PAPOLG: variants seen among roughly 807,000 people sequenced by gnomAD.
PAPOLG encodes PAP-gamma.
PAPOLG carries 40 observed loss-of-function variants against 99.0 expected under a neutral mutation model. That is an observed-to-expected ratio of 0.40 (90% CI 0.31 to 0.53). The LOEUF (loss-of-function observed/expected upper bound fraction) is 0.53. PAPOLG is among the 20% of genes least tolerant of loss of function. PAPOLG has a pLI of 0.41. For synonymous variants in PAPOLG, 310 were observed against 299.3 expected, an observed-to-expected ratio of 1.04 and a Z score of -0.37; for missense variants, 675 against 884.1, an observed-to-expected ratio of 0.76 and a Z score of 3.00.
At position 60,784,228 on chromosome 2, in the gene PAPOLG, C is replaced by T. The variant is rs551894108; in HGVS notation, c.1166+1019C>T. Among the ~76,000 whole-genome samples, 17 of 152,354 alleles carry T rather than the reference C, an allele frequency of 1.1e-4. No homozygotes were observed. In the East Asian group the frequency reaches 3.3e-3, roughly 29 times the overall value. On this transcript the variant is annotated intron_variant, in intron 13 of 21. Coordinates refer to ENST00000238714, the MANE Select transcript of PAPOLG (RefSeq NM_022894.4). ...CCTCGTGATCCACCCGCCTTGGCCT[C>T]CCAAAGTGCTGGAATTACAGGCGTG...
chr2:60,760,932 G>A (rs1460403607), intron 2 of PAPOLG, among the ~76,000 whole-genome samples: 2 of 152,222 alleles, frequency 1.3e-5, no homozygotes, highest in Non-Finnish European at 2.9e-5. Flanking sequence ...CAAGGGCAGA[G>A]CAGAGAAACC....
At chr2:60,792,039 GATA>G in intron 16 of PAPOLG, 87 bp from the exon 17 acceptor site, 1 of 1,467,308 alleles carries the variant, frequency 6.8e-7, no homozygotes, top group Non-Finnish European at 9.2e-7. Context: ...AATCACAAGA[GATA>G]ATTTGCTTAA....
intron 16 of PAPOLG, 37 bp from the exon 17 acceptor site, chr2:60,792,092 T>C (rs781007151): frequency 1.9e-6 from 3 of 1,554,574 alleles, no homozygotes; most frequent in African/African-American, 2.8e-5. Context: ...TATTGTCATT[T>C]GCATTTTGAA....
chr2:60,782,318 G>C (rs1308074177), intron 11 of PAPOLG, among the ~76,000 whole-genome samples: 1 of 152,086 alleles, frequency 6.6e-6, no homozygotes, highest in Non-Finnish European at 1.5e-5. Context: ...TATAATCCTA[G>C]CACTTTGGGA....
intron 2 of PAPOLG, among the ~76,000 whole-genome samples, chr2:60,760,787 G>A (rs1374657477): frequency 6.6e-6 from 1 of 152,178 alleles, no homozygotes; most frequent in Non-Finnish European, 1.5e-5. Context: ...ACCTTGTAAG[G>A]TGTTGTCAAG....
rs375522006 is a variant in PAPOLG, at chr2:60,791,913, G to C, written c.1518+31G>C. 4.9e-5 allele frequency: 78 copies of C among 1,596,334 alleles called. No homozygotes were observed. In the African/African-American group the frequency reaches 9.9e-4, roughly 20 times the overall value. ...TTTATAATCTTAACCCTTCAGTATG[G>C]TTTTACTCAGACAAATGATCTGGGA... On this transcript the variant is annotated intron_variant, in intron 16 of 21. Coordinates refer to ENST00000238714, the MANE Select transcript of PAPOLG (RefSeq NM_022894.4).
intron 3 of PAPOLG, among the ~76,000 whole-genome samples, chr2:60,764,005 G>C (rs1187297121): frequency 1.3e-5 from 2 of 151,290 alleles, no homozygotes; most frequent in Non-Finnish European, 3.0e-5. Flanking sequence ...GTTTCACCAT[G>C]TTGGCCAGGC....
At chr2:60,768,406 T>A (rs1435927232) in intron 3 of PAPOLG, 64 bp from the exon 4 acceptor site, 1 of 1,548,482 alleles carries the variant, frequency 6.5e-7, no homozygotes, top group East Asian at 2.3e-5. Context: ...CCAGCCAACA[T>A]TGAGGTGACT....
intron 13 of PAPOLG, among the ~76,000 whole-genome samples, chr2:60,784,319 G>GA (rs1482337244): frequency 2.0e-4 from 30 of 152,228 alleles, no homozygotes; most frequent in Admixed American, 5.2e-4. Context: ...AAACTCAGTA[G>GA]AAAAGACATT....
intron 14 of PAPOLG, 51 bp downstream of exon 14, chr2:60,787,117 A>G (rs376561650): frequency 3.7e-5 from 52 of 1,411,220 alleles, no homozygotes; most frequent in Middle Eastern, 4.1e-4. Context: ...GTTATTTGGT[A>G]TATGCATCAT....
Position 60,795,203 on chromosome 2 carries a change from C to T in PAPOLG, c.2112+183C>T, listed in dbSNP as rs1000844591. 9.1e-6 allele frequency: 6 copies of T among 660,560 alleles called. No individual in the cohort carries two copies. The South Asian group carries it at 1.0e-4, about 11-fold the overall frequency. The allele number at this position is 660,560 out of a possible 1,614,324, so 40.9% of individuals were successfully genotyped here. ...AGTATATAGTTCTGAATGTATGTAC[C>T]TCAAAAGTCTAAAAAAGAGGCAGTA... On this transcript the variant is annotated intron_variant, in intron 21 of 21. Transcript: ENST00000238714.
At position 60,756,371 on chromosome 2, in the gene PAPOLG, C is replaced by A; in HGVS notation, c.-108C>A. 7.0e-7 allele frequency: 1 copy of A among 1,428,850 alleles called. No homozygotes were observed. Among genetic ancestry groups the A allele is most frequent in the Non-Finnish European group, 9.9e-7 (1 of 1,013,562 alleles). 88.5% of individuals were successfully genotyped at this position (1,428,850 alleles called of 1,614,324 possible). On this transcript the variant is annotated 5_prime_UTR_variant, in exon 1 of 22. Coordinates refer to ENST00000238714, the MANE Select transcript of PAPOLG (RefSeq NM_022894.4). ...CATAGTAAGTGGGAAAGTGAGCGAG[C>A]AAGCGAGCTACTAGCGACCGGAGGA... is the stretch of plus-strand genomic sequence containing the variant.
chr2:60,767,935 T>C (rs1285426758), intron 3 of PAPOLG, among the ~76,000 whole-genome samples: 3 of 152,262 alleles, frequency 2.0e-5, no homozygotes, highest in African/African-American at 7.2e-5. Flanking sequence ...GATGTATGTA[T>C]GTGTAGTGGG....
chr2:60,771,892 AAAGCTTTTG>A (rs1281929042), intron 7 of PAPOLG, among the ~76,000 whole-genome samples: 6 of 152,212 alleles, frequency 3.9e-5, no homozygotes, highest in African/African-American at 1.4e-4. Context: ...AGGACCCCAA[AAAGCTTTTG>A]TTTATGTGGG....
intron 15 of PAPOLG, chr2:60,791,380 G>C (rs116386746): frequency 0.015 from 2,513 of 162,178 alleles, 29 homozygotes; most frequent in Non-Finnish European, 0.023. Context: ...GAGAAACCCA[G>C]TCTCTACGAA....
At chr2:60,794,243 A>T in intron 19 of PAPOLG, 52 bp downstream of exon 19, 1 of 1,505,352 alleles carries the variant, frequency 6.6e-7, no homozygotes, top group Non-Finnish European at 9.0e-7. Context: ...TTTATAGTTA[A>T]TACTAAAGAA....
chr2:60,763,694 G>A (rs1670589431), intron 3 of PAPOLG, among the ~76,000 whole-genome samples: 1 of 151,486 alleles, frequency 6.6e-6, no homozygotes, highest in African/African-American at 2.4e-5. Context: ...AGTAGAGACG[G>A]GGTTTCACCA....
chr2:60,781,629 C>G (rs1671192655), intron 10 of PAPOLG, among the ~76,000 whole-genome samples: 1 of 152,108 alleles, frequency 6.6e-6, no homozygotes, highest in Non-Finnish European at 1.5e-5. Flanking sequence ...TATAAGAGAT[C>G]ATTGTTTATA....
In PAPOLG at chr2:60,773,169, C is replaced by A. The variant is rs1670907406; in HGVS notation, c.604+1539C>A. Among the ~76,000 whole-genome samples the A allele has an allele frequency of 2.6e-5, 4 of 152,176 alleles. 1 individual carries two copies. Among genetic ancestry groups the A allele is most frequent in the African/African-American group, 9.7e-5 (4 of 41,440 alleles). On this transcript the variant is annotated intron_variant, in intron 7 of 21. Coordinates refer to ENST00000238714, the MANE Select transcript of PAPOLG (RefSeq NM_022894.4). ...CTCAAACTCTCGATATCAGGTGATG[C>A]CAACCTCAGCCTCCCAAAGTGCTGG...
Sources: allele counts gnomAD v4.1 joint callset (sites outside exome capture counted in the v4.1 genomes callset), GRCh38; gene constraint gnomAD v4.1.1; transcripts MANE v1.5; gene names NCBI Gene and HGNC (gene_info 2026-07-23, HGNC 2026-07-21).